The following LIMD1 variants were observed in gnomAD, a reference collection of about 807,000 sequenced individuals.
LIMD1 encodes the protein LIM domain containing 1.
A neutral mutation model predicts 58.4 loss-of-function variants in LIMD1; 23 were observed. The observed-to-expected ratio is 0.39, with a 90% confidence interval of 0.28 to 0.56. LIMD1 has a LOEUF of 0.56. LIMD1 is among the 20% of genes least tolerant of loss of function. LIMD1 has a pLI of 0.57. For synonymous variants in LIMD1, 334 were observed against 345.5 expected, an observed-to-expected ratio of 0.97 and a Z score of 0.37; for missense variants, 838 against 855.5, an observed-to-expected ratio of 0.98 and a Z score of 0.25.
rs1418167627 is a variant in LIMD1, at chr3:45,595,927, C to T, written c.1048C>T (p.Pro350Ser). The T allele has an allele frequency of 6.2e-7, 1 of 1,614,238 alleles. No homozygotes were observed. The highest frequency in any genetic ancestry group is 1.1e-5 in the South Asian group (1 of 91,090). The change falls in exon 1 of 8, where the codon CCG becomes TCG. Residue 350 changes from proline to serine, a missense_variant. Physicochemically the swap from Pro to Ser is moderately conservative, Grantham distance 74. This residue lies in a region of LIMD1 where 659 missense variants were observed against 639.8 expected (regional missense o/e 1.03). Coordinates refer to ENST00000273317, the MANE Select transcript of LIMD1 (RefSeq NM_014240.3). ...CAAATCTTACCTTTCCAGTTCTGCC[C>T]CGTCATCCTCGCCAGCTGGTCTGGA... ...GPKSYLSSSA[P>S]SSSPAGLDGS...
At chr3:45,639,664 T>A (rs192207466) in intron 2 of LIMD1, among the ~76,000 whole-genome samples, 3 of 144,770 alleles carry the variant, frequency 2.1e-5, no homozygotes, top group Admixed American at 2.0e-4. Context: ...GAGGTTAGGA[T>A]TTTTTTTCTT....
At position 45,672,054 on chromosome 3, in the gene LIMD1, C is replaced by G. The variant is rs146068230; in HGVS notation, c.1642-636C>G. 2.7e-3 allele frequency among the ~76,000 whole-genome samples: 415 copies of G among 152,320 alleles called. 11 individuals are homozygous for G. The East Asian group carries it at 0.05, about 18-fold the overall frequency. On this transcript the variant is annotated intron_variant, in intron 4 of 7. Coordinates refer to ENST00000273317, the MANE Select transcript of LIMD1 (RefSeq NM_014240.3). ...GAGAGGAAGAAGTTTGTGGGGCTTTCCCTCTATTGCGTTTAAAAACAACAA... is the reference window on the plus strand; with the variant it reads ...GAGAGGAAGAAGTTTGTGGGGCTTTGCCTCTATTGCGTTTAAAAACAACAA...
chr3:45,622,043 CAG>C (rs1319731700), intron 1 of LIMD1, among the ~76,000 whole-genome samples: 1 of 145,408 alleles, frequency 6.9e-6, no homozygotes, highest in East Asian at 2.0e-4. Flanking sequence ...AGTCTGGCGA[CAG>C]AGCGAGACTC....
At chr3:45,617,156 C>T (rs1394218503) in intron 1 of LIMD1, among the ~76,000 whole-genome samples, 1 of 151,582 alleles carries the variant, frequency 6.6e-6, no homozygotes, top group African/African-American at 2.4e-5. Flanking sequence ...GCCTCGGCCT[C>T]CCTAGTAGCT....
intron 2 of LIMD1, among the ~76,000 whole-genome samples, chr3:45,664,204 C>A (rs1489267613): frequency 6.6e-6 from 1 of 152,048 alleles, no homozygotes; most frequent in Non-Finnish European, 1.5e-5. Flanking sequence ...CAAAGTTTCA[C>A]CATGTTGGCC....
intron 1 of LIMD1, among the ~76,000 whole-genome samples, chr3:45,597,233 T>C (rs1701366700): frequency 6.6e-6 from 1 of 152,056 alleles, no homozygotes. Context: ...GAAATGGAAA[T>C]TCTTGGGCCC....
intron 1 of LIMD1, among the ~76,000 whole-genome samples, chr3:45,623,185 C>T (rs1174957947): frequency 6.6e-6 from 1 of 152,174 alleles, no homozygotes; most frequent in Non-Finnish European, 1.5e-5. Context: ...TGCTGCTTGG[C>T]CATTCCTATT....
At chr3:45,626,893 C>CAA (rs34165649) in intron 1 of LIMD1, among the ~76,000 whole-genome samples, 1 of 133,888 alleles carries the variant, frequency 7.5e-6, no homozygotes. Flanking sequence ...TAAAACTGCT[C>CAA]AAAAAAAAAA....
chr3:45,683,539 G>T lies in LIMD1; in HGVS notation c.*6480G>T, dbSNP rs2742413. 139,480 of 152,154 alleles carry T rather than the reference G, an allele frequency of 0.92. 63,955 individuals carry two copies. The highest frequency in any genetic ancestry group is 0.97 in the South Asian group (4,703 of 4,828). The allele number at this position is 152,154 out of a possible 1,614,324, so 9.4% of individuals were successfully genotyped here. A position where few individuals can be genotyped will look rare whatever the true frequency, so the allele number is the denominator to read the frequency against. On this transcript the variant is annotated 3_prime_UTR_variant, in exon 8 of 8. Coordinates refer to ENST00000273317, the MANE Select transcript of LIMD1 (RefSeq NM_014240.3). ...CTTTGTAACTTCAGCCTCTGATTGGGCGTTTTACACAACCAGTCAGATGTT... is the reference window on the plus strand; with the variant it reads ...CTTTGTAACTTCAGCCTCTGATTGGTCGTTTTACACAACCAGTCAGATGTT...
At chr3:45,647,985 C>T (rs192628790) in intron 2 of LIMD1, among the ~76,000 whole-genome samples, 30 of 152,202 alleles carry the variant, frequency 2.0e-4, no homozygotes, top group African/African-American at 7.2e-4. Flanking sequence ...CATTGCTACT[C>T]TCCTGATCTT....
intron 1 of LIMD1, among the ~76,000 whole-genome samples, chr3:45,633,836 T>C (rs1054680612): frequency 6.6e-6 from 1 of 152,130 alleles, no homozygotes; most frequent in Non-Finnish European, 1.5e-5. Flanking sequence ...TGGACTTCCT[T>C]TGATGGTGAT....
intron 1 of LIMD1, chr3:45,635,785 C>T (rs1022809553): frequency 2.4e-6 from 1 of 421,050 alleles, no homozygotes; most frequent in Non-Finnish European, 3.1e-6. Context: ...AATTTCCCAA[C>T]CTGCATGCTT....
At chr3:45,608,934 G>A (rs1701495352) in intron 1 of LIMD1, among the ~76,000 whole-genome samples, 3 of 152,002 alleles carry the variant, frequency 2.0e-5, no homozygotes, top group African/African-American at 4.8e-5. Flanking sequence ...GACCTGGTCT[G>A]TAGAAGTTAC....
chr3:45,659,036 A>G (rs989876161), intron 2 of LIMD1, among the ~76,000 whole-genome samples: 2 of 152,052 alleles, frequency 1.3e-5, no homozygotes, highest in African/African-American at 4.8e-5. Flanking sequence ...GTATTTTTTC[A>G]TATTATACAT....
At chr3:45,625,900 C>T (rs543316999) in intron 1 of LIMD1, among the ~76,000 whole-genome samples, 1 of 152,128 alleles carries the variant, frequency 6.6e-6, no homozygotes, top group Non-Finnish European at 1.5e-5. Context: ...TAAGATATGG[C>T]GATACTAAAA....
At chr3:45,600,362 C>A (rs1701399331) in intron 1 of LIMD1, among the ~76,000 whole-genome samples, 1 of 152,142 alleles carries the variant, frequency 6.6e-6, no homozygotes, top group Non-Finnish European at 1.5e-5. Flanking sequence ...CCTTTGTAAG[C>A]CCTTAGAGTC....
At chr3:45,599,689 G>T (rs1012733416) in intron 1 of LIMD1, among the ~76,000 whole-genome samples, 1 of 152,208 alleles carries the variant, frequency 6.6e-6, no homozygotes, top group African/African-American at 2.4e-5. Flanking sequence ...TCACTGATGG[G>T]CCTTTGGAAT....
rs1371411645 is a variant in LIMD1, at chr3:45,674,415, G to C, written c.1893+4G>C. On this transcript the variant is annotated splice_donor_region_variant and intron_variant, in intron 7 of 7. Transcript: ENST00000273317. Reference sequence around the variant, plus strand: ...CGTGGAGTGTTACCACTGCGAGGTAGACCCCTCCCCACCCAGCCCCCAAAG... The same window carrying C: ...CGTGGAGTGTTACCACTGCGAGGTACACCCCTCCCCACCCAGCCCCCAAAG... The C allele has an allele frequency of 6.2e-7, 1 of 1,611,716 alleles. No homozygotes were observed. Among genetic ancestry groups the C allele is most frequent in the Admixed American group, 1.7e-5 (1 of 59,968 alleles).
intron 1 of LIMD1, among the ~76,000 whole-genome samples, chr3:45,629,412 CAA>C (rs57306025): frequency 1.0e-4 from 10 of 97,550 alleles, no homozygotes; most frequent in East Asian, 2.6e-4. Flanking sequence ...ACTCTTGTCT[CAA>C]AAAAAAAAAA....
Sources: allele counts gnomAD v4.1 joint callset (sites outside exome capture counted in the v4.1 genomes callset), GRCh38; gene constraint gnomAD v4.1.1; regional missense constraint gnomAD v4.1.1; transcripts MANE v1.5; gene names NCBI Gene and HGNC (gene_info 2026-07-23, HGNC 2026-07-21).